Variants in KDM4A observed in about 807,000 individuals in gnomAD.
The protein encoded by KDM4A is lysine-specific demethylase 4A.
KDM4A carries 23 observed loss-of-function variants against 127.1 expected under a neutral mutation model. The observed-to-expected ratio is 0.18, with a 90% CI of 0.13 to 0.26. KDM4A has a LOEUF of 0.26. KDM4A is among the 10% of genes least tolerant of loss of function. The pLI is 1.00. For missense variants in KDM4A, 890 were observed against 1,329.1 expected, an observed-to-expected ratio of 0.67 and a Z score of 5.14; for synonymous variants, 443 against 466.5, an observed-to-expected ratio of 0.95 and a Z score of 0.65.
At position 43,669,221 on chromosome 1, in the gene KDM4A, G is replaced by A. The variant is rs954089076; in HGVS notation, c.1285G>A (p.Glu429Lys). 6.2e-7 allele frequency: 1 copy of A among 1,614,194 alleles called. No homozygotes were observed. Among genetic ancestry groups the A allele is most frequent in the Middle Eastern group, 1.6e-4 (1 of 6,062 alleles). The change falls in exon 10 of 22, where the codon GAG (glutamate) becomes AAG (lysine). Residue 429 changes from glutamate (E) to lysine (K), a missense_variant. Physicochemically the swap from Glu to Lys is moderately conservative, Grantham distance 56. Transcript: ENST00000372396. ...GAGTTCTGAGCAGTATGAGATGACG[G>A]AGTGCCCGGCAGCCCTCGCCCCTGT... ...DLSSEQYEMT[E>K]CPAALAPVRP...
At chr1:43,659,637 T>C (rs1660325687) in intron 3 of KDM4A, among the ~76,000 whole-genome samples, 1 of 152,118 alleles carries the variant, frequency 6.6e-6, no homozygotes, top group Non-Finnish European at 1.5e-5. Context: ...GATATTTTTA[T>C]GGCTTTATGT....
At chr1:43,660,762 A>G (rs1469230986) in intron 4 of KDM4A, among the ~76,000 whole-genome samples, 1 of 152,008 alleles carries the variant, frequency 6.6e-6, no homozygotes, top group Non-Finnish European at 1.5e-5. Context: ...TGACTAATCT[A>G]ATGAAAGGGG....
rs945280288 is a variant in KDM4A at position 43,688,766 on chromosome 1, C to T, written c.1856-148C>T. 7.7e-6 allele frequency: 5 copies of T among 649,574 alleles called. No homozygotes were observed. In the African/African-American group the frequency reaches 9.1e-5, roughly 12 times the overall value. The allele number at this position is 649,574 out of a possible 1,614,324, so 40.2% of individuals were successfully genotyped here. On this transcript the variant is annotated intron_variant, in intron 12 of 21. Transcript: ENST00000372396. The surrounding 1 kb of genome is among the most constrained non-coding windows in gnomAD (Gnocchi z 4.4). ...AGGAGTCTATTGACAGTTGCTTCCACCCTTTGCCTTTATCATCCTTAGGAA... is the reference window on the plus strand; with the variant it reads ...AGGAGTCTATTGACAGTTGCTTCCATCCTTTGCCTTTATCATCCTTAGGAA...
intron 11 of KDM4A, among the ~76,000 whole-genome samples, chr1:43,674,557 C>A (rs1660698854): frequency 6.6e-6 from 1 of 150,746 alleles, no homozygotes; most frequent in Non-Finnish European, 1.5e-5. Flanking sequence ...CGCTCTGTTG[C>A]CCAGGCTGGA....
chr1:43,651,465 A>C (rs1018055736), intron 1 of KDM4A, among the ~76,000 whole-genome samples: 1 of 152,214 alleles, frequency 6.6e-6, no homozygotes, highest in African/African-American at 2.4e-5. Flanking sequence ...GAAGCCTAGG[A>C]GATACGGGTA....
chr1:43,660,769 G>A (rs4336891), intron 4 of KDM4A, among the ~76,000 whole-genome samples: 18,457 of 151,606 alleles, frequency 0.12, 1,490 homozygotes, highest in African/African-American at 0.23. Flanking sequence ...TCTAATGAAA[G>A]GGGTATACAT....
rs1660079489 is a variant in KDM4A, at chr1:43,650,266, G to A, written c.-40+14G>A. 2 of 151,794 alleles carry A rather than the reference G, an allele frequency of 1.3e-5. No individual in the cohort carries two copies. The highest frequency in any genetic ancestry group is 1.3e-4 in the Admixed American group (2 of 15,232). The allele number at this position is 151,794 out of a possible 1,614,324, so 9.4% of individuals were successfully genotyped here. On this transcript the variant is annotated intron_variant, in intron 1 of 21. Transcript: ENST00000372396. ...TTTGGGCTGTAGGTGAGAACTATAG[G>A]GTTTTGGAATTCTCGAGGATCATTG... is the stretch of plus-strand genomic sequence containing the variant.
In KDM4A at chr1:43,694,619, C is replaced by A; in HGVS notation, c.2485-90C>A. On this transcript the variant is annotated intron_variant, in intron 17 of 21. Transcript: ENST00000372396. The surrounding 1 kb of genome is among the most constrained non-coding windows in gnomAD (Gnocchi z 5.2). ...TATTTTGGGAAGGGGCTGGCTCTTG[C>A]TTGCTTGGCTTTGCATTTGGGAGGG... 1 of 1,169,346 alleles carries A rather than the reference C, an allele frequency of 8.6e-7. No homozygotes were observed. Among genetic ancestry groups the A allele is most frequent in the Non-Finnish European group, 1.2e-6 (1 of 812,068 alleles). The allele number at this position is 1,169,346 out of a possible 1,614,324, so 72.4% of individuals were successfully genotyped here.
At chr1:43,650,864 G>T (rs2154046036) in intron 1 of KDM4A, among the ~76,000 whole-genome samples, 1 of 152,298 alleles carries the variant, frequency 6.6e-6, no homozygotes, top group South Asian at 2.1e-4. Context: ...TTTTGACTTC[G>T]GAGCCGGTGT....
At chr1:43,689,223 C>T (rs1661053150) in intron 13 of KDM4A, 128 bp downstream of exon 13, 8 of 918,572 alleles carry the variant, frequency 8.7e-6, no homozygotes, top group African/African-American at 1.6e-5. Flanking sequence ...GCATTCTCTG[C>T]CCCATCTGTG....
chr1:43,662,335 C>T (rs530597331), intron 4 of KDM4A, among the ~76,000 whole-genome samples: 8 of 150,604 alleles, frequency 5.3e-5, no homozygotes, highest in African/African-American at 9.7e-5. Context: ...CTTGGTCGGG[C>T]GCGGTGGCTC....
intron 3 of KDM4A, among the ~76,000 whole-genome samples, chr1:43,656,119 T>C (rs1401824960): frequency 6.6e-6 from 1 of 152,162 alleles, no homozygotes; most frequent in Non-Finnish European, 1.5e-5. Flanking sequence ...TTCCACTTCC[T>C]CTCTCTCGGG....
At chr1:43,691,928 G>A (rs1331666972) in intron 15 of KDM4A, among the ~76,000 whole-genome samples, 1 of 152,222 alleles carries the variant, frequency 6.6e-6, no homozygotes, top group African/African-American at 2.4e-5. Flanking sequence ...GAACCTGGCT[G>A]TACCTAGCCC....
At chr1:43,685,562 A>T (rs1660954167) in intron 12 of KDM4A, among the ~76,000 whole-genome samples, 1 of 151,690 alleles carries the variant, frequency 6.6e-6, no homozygotes, top group African/African-American at 2.4e-5. Flanking sequence ...AGGTCAGGAG[A>T]TCGAGACCAT....
chr1:43,678,233 A>T (rs768936131), intron 11 of KDM4A, among the ~76,000 whole-genome samples: 5 of 152,164 alleles, frequency 3.3e-5, no homozygotes, highest in Middle Eastern at 3.4e-3. Context: ...ATAGCCTTGA[A>T]GCTGGGGTGG....
At position 43,697,893 on chromosome 1, in the gene KDM4A, C is replaced by T; in HGVS notation, c.2721C>T (p.Ser907=). ...TCACTGCAGGCCAGAAAGTCATTAG[C>T]AAGCATAAGAACGGGCGCTTCTACC... is the stretch of plus-strand genomic sequence containing the variant. The part of the protein sequence containing the change: ...QSITAGQKVI[S]KHKNGRFYQC... The change falls in exon 19 of 22, where the codon AGC becomes AGT. Residue 907 remains serine, a synonymous_variant. Transcript: ENST00000372396. The T allele has an allele frequency of 6.2e-7, 1 of 1,613,798 alleles. No homozygotes were observed. The highest frequency in any genetic ancestry group is 1.1e-5 in the South Asian group (1 of 91,054).
intron 5 of KDM4A, among the ~76,000 whole-genome samples, chr1:43,664,585 A>G (rs1256397343): frequency 6.6e-6 from 1 of 152,090 alleles, no homozygotes; most frequent in East Asian, 1.9e-4. Context: ...ATCTTCAGCC[A>G]TGTTCTTTCT....
At chr1:43,654,063 G>T (rs1201022221) in intron 2 of KDM4A, among the ~76,000 whole-genome samples, 5 of 152,312 alleles carry the variant, frequency 3.3e-5, no homozygotes, top group African/African-American at 1.2e-4. Context: ...ACCAGTCTTG[G>T]ACCCTGGTGC....
chr1:43,683,829 G>A, intron 12 of KDM4A, 25 bp downstream of exon 12: 1 of 1,612,840 alleles, frequency 6.2e-7, no homozygotes. Flanking sequence ...TTCTTCACCA[G>A]GAGGAAAGCA....
Sources: allele counts gnomAD v4.1 joint callset (sites outside exome capture counted in the v4.1 genomes callset), GRCh38; gene constraint gnomAD v4.1.1; non-coding constraint Gnocchi (gnomAD v3.1); transcripts MANE v1.5; gene names NCBI Gene and HGNC (gene_info 2026-07-23, HGNC 2026-07-21).